RARB: variants seen among roughly 807,000 people sequenced by gnomAD.
The protein encoded by RARB is retinoic acid receptor beta, also known as HBV-activated protein.
A neutral mutation model predicts 51.9 loss-of-function variants in RARB; 17 were observed. The ratio of observed to expected loss-of-function variants is 0.33; its 90% CI spans 0.22 to 0.49. The LOEUF (loss-of-function observed/expected upper bound fraction) is 0.49, where lower values mean the gene tolerates loss of function less well. Among genes scored for constraint, RARB ranks in the 20% least tolerant of loss-of-function variants. The pLI is 0.99. For synonymous variants in RARB, 215 were observed against 195.4 expected, an observed-to-expected ratio of 1.10 and a Z score of -0.84; for missense variants, 369 against 550.8, an observed-to-expected ratio of 0.67 and a Z score of 3.30.
At chr3:25,317,419 A>G (rs1704456234) in intron 5 of RARB, among the ~76,000 whole-genome samples, 2 of 152,210 alleles carry the variant, frequency 1.3e-5, no homozygotes, top group African/African-American at 2.4e-5. Flanking sequence ...TCTCAGATTG[A>G]CACAGCAACA....
At chr3:25,018,884 C>A (rs1697570554) in intron 2 of RARB, among the ~76,000 whole-genome samples, 1 of 152,162 alleles carries the variant, frequency 6.6e-6, no homozygotes. Context: ...GCTGGAAACA[C>A]ATATTTGAAA....
At chr3:25,330,118 C>T (rs562336798) in intron 5 of RARB, among the ~76,000 whole-genome samples, 2 of 152,020 alleles carry the variant, frequency 1.3e-5, no homozygotes, top group Non-Finnish European at 2.9e-5. Flanking sequence ...AGAGCTTCCC[C>T]AAGCCAGCAA....
At chr3:25,040,063 C>G (rs144543243) in intron 2 of RARB, among the ~76,000 whole-genome samples, 2 of 152,254 alleles carry the variant, frequency 1.3e-5, no homozygotes, top group Non-Finnish European at 2.9e-5. Flanking sequence ...GCTGGCCAGG[C>G]CAGGGGCATT....
intron 3 of RARB, among the ~76,000 whole-genome samples, chr3:25,557,137 TCACACACA>T (rs55731301): frequency 0.033 from 4,846 of 145,416 alleles, 191 homozygotes; most frequent in Admixed American, 0.13. Flanking sequence ...GGCATTGCAT[TCACACACA>T]CACACACACA....
At chr3:24,991,272 C>G (rs1307850633) in intron 2 of RARB, among the ~76,000 whole-genome samples, 58 of 152,096 alleles carry the variant, frequency 3.8e-4, no homozygotes, top group Non-Finnish European at 4.4e-5. Context: ...GAAAGCCCGT[C>G]TCTATTAAAA....
intron 5 of RARB, among the ~76,000 whole-genome samples, chr3:25,414,332 A>C (rs973310719): frequency 1.3e-5 from 2 of 152,202 alleles, no homozygotes; most frequent in African/African-American, 2.4e-5. Context: ...ATTGATGGAC[A>C]GTTGGGTTGC....
Position 25,517,657 on chromosome 3 carries a change from G to T in RARB, c.448+16334G>T, listed in dbSNP as rs150812913. Among the ~76,000 whole-genome samples, 614 of 151,854 alleles carry T rather than the reference G, an allele frequency of 4.0e-3. 4 individuals are homozygous for T. Among genetic ancestry groups the T allele is most frequent in the African/African-American group, 0.014 (570 of 41,394 alleles). On this transcript the variant is annotated intron_variant, in intron 3 of 7. Transcript: ENST00000330688. The stretch of plus-strand genomic sequence containing the variant: ...TTTACTCCTAAGTATATACTCAAGA[G>T]AAATAAAAACATGTATCTACACAGA...
intron 5 of RARB, among the ~76,000 whole-genome samples, chr3:25,386,361 A>G (rs1706793943): frequency 6.6e-6 from 1 of 152,204 alleles, no homozygotes. Flanking sequence ...AGGAGCTAGC[A>G]TGGGAGGGCC....
chr3:25,272,439 G>A (rs1000910275), intron 5 of RARB, among the ~76,000 whole-genome samples: 4 of 152,192 alleles, frequency 2.6e-5, no homozygotes, highest in Admixed American at 2.6e-4. Context: ...GAGGCCTCTG[G>A]ATGGACCCGG....
At chr3:25,485,816 G>C (rs775518974) in intron 2 of RARB, among the ~76,000 whole-genome samples, 7 of 152,166 alleles carry the variant, frequency 4.6e-5, no homozygotes, top group Non-Finnish European at 1.0e-4. Context: ...AGCATTCCTG[G>C]CTGCTGCTCC....
At chr3:25,147,686 G>A (rs767239772) in intron 4 of RARB, among the ~76,000 whole-genome samples, 1 of 152,086 alleles carries the variant, frequency 6.6e-6, no homozygotes, top group Non-Finnish European at 1.5e-5. Flanking sequence ...ACTATAAGCT[G>A]GTGTAAGGAA....
rs148660502 is a variant in RARB at position 25,298,618 on chromosome 3, A to G, written c.178+124043A>G. On this transcript the variant is annotated intron_variant, in intron 5 of 11. Transcript: ENST00000383772. ...AATTTTTAGTCCCGGGTATGACACTAGCTTTGGGGATTCCAGCAATCTTCC... is the reference window on the plus strand; with the variant it reads ...AATTTTTAGTCCCGGGTATGACACTGGCTTTGGGGATTCCAGCAATCTTCC... Among the ~76,000 whole-genome samples the G allele has an allele frequency of 4.0e-3, 610 of 152,204 alleles. 6 individuals are homozygous for G. Among genetic ancestry groups the G allele is most frequent in the African/African-American group, 0.014 (575 of 41,522 alleles).
At chr3:25,107,627 C>G (rs1229114017) in intron 3 of RARB, among the ~76,000 whole-genome samples, 3 of 152,120 alleles carry the variant, frequency 2.0e-5, no homozygotes, top group Non-Finnish European at 4.4e-5. Flanking sequence ...CCTATAAATA[C>G]TGTGTTTTTT....
intron 5 of RARB, among the ~76,000 whole-genome samples, chr3:25,365,941 A>G (rs974353726): frequency 1.3e-5 from 2 of 152,258 alleles, no homozygotes; most frequent in Non-Finnish European, 2.9e-5. Flanking sequence ...TGGAGAGGAA[A>G]CAGGGATCTC....
chr3:25,196,969 C>T (rs181945862), intron 5 of RARB, among the ~76,000 whole-genome samples: 6 of 151,786 alleles, frequency 4.0e-5, no homozygotes, highest in African/African-American at 1.2e-4. Context: ...GGATATTAGC[C>T]CTTTGTCAGA....
At chr3:24,972,408 G>A (rs772574059) in intron 2 of RARB, among the ~76,000 whole-genome samples, 1 of 152,010 alleles carries the variant, frequency 6.6e-6, no homozygotes, top group Non-Finnish European at 1.5e-5. Flanking sequence ...CACTTAGGTT[G>A]ATTTCACATT....
chr3:25,282,441 C>G (rs1703546897), intron 5 of RARB, among the ~76,000 whole-genome samples: 1 of 152,174 alleles, frequency 6.6e-6, no homozygotes, highest in South Asian at 2.1e-4. Context: ...ACTTCTAACA[C>G]TTTTGATGCC....
At chr3:25,360,992 T>G (rs573783712) in intron 5 of RARB, among the ~76,000 whole-genome samples, 93 of 152,290 alleles carry the variant, frequency 6.1e-4, no homozygotes, top group African/African-American at 2.2e-3. Flanking sequence ...CTTAGTGGTG[T>G]TCTCTGTATT....
chr3:25,225,549 C>T (rs1702038608), intron 5 of RARB, among the ~76,000 whole-genome samples: 1 of 151,844 alleles, frequency 6.6e-6, no homozygotes, highest in South Asian at 2.1e-4. Flanking sequence ...TTTAAATTCC[C>T]AATAATTAAT....
Sources: allele counts gnomAD v4.1 joint callset (sites outside exome capture counted in the v4.1 genomes callset), GRCh38; gene constraint gnomAD v4.1.1; transcripts MANE v1.5; gene names NCBI Gene and HGNC (gene_info 2026-07-23, HGNC 2026-07-21).